The following NUP210L variants were observed in gnomAD, a reference collection of about 807,000 sequenced individuals.
NUP210L encodes the protein nuclear pore membrane glycoprotein 210-like.
A neutral mutation model predicts 208.5 loss-of-function variants in NUP210L; 74 were observed. That is an observed-to-expected ratio of 0.35 (90% confidence interval 0.29 to 0.43). The LOEUF (loss-of-function observed/expected upper bound fraction) is 0.43. Among genes scored for constraint, NUP210L ranks in the 20% least tolerant of loss-of-function variants. NUP210L has a pLI of 1.00. For synonymous variants in NUP210L, 780 were observed against 816.9 expected, an observed-to-expected ratio of 0.95 and a Z score of 0.77; for missense variants, 1,843 against 2,289.4, an observed-to-expected ratio of 0.81 and a Z score of 3.98.
chr1:154,126,067 C>T (rs879642631), intron 10 of NUP210L, among the ~76,000 whole-genome samples: 2 of 151,766 alleles, frequency 1.3e-5, no homozygotes, highest in African/African-American at 4.8e-5. Flanking sequence ...CGCGCCCGGC[C>T]AAGAAATGTT....
chr1:154,144,485 G>A (rs530067367), intron 2 of NUP210L, among the ~76,000 whole-genome samples: 2 of 152,212 alleles, frequency 1.3e-5, no homozygotes, highest in East Asian at 3.9e-4. Context: ...TCTAGCTAGA[G>A]TCCCAGTCCA....
chr1:154,113,883 G>A (rs970196323), intron 12 of NUP210L, among the ~76,000 whole-genome samples: 17 of 144,236 alleles, frequency 1.2e-4, no homozygotes, highest in African/African-American at 3.8e-4. Flanking sequence ...AAAAAAAGCC[G>A]GGTGTGGTGG....
chr1:154,038,777 G>T (rs1453436755), intron 27 of NUP210L, among the ~76,000 whole-genome samples: 2 of 152,048 alleles, frequency 1.3e-5, no homozygotes, highest in African/African-American at 2.4e-5. Context: ...AGGTTTTTTT[G>T]ATTTGAGGTT....
chr1:154,143,574 G>A (rs764391763), exon 3 of NUP210L: 15 of 1,611,790 alleles, frequency 9.3e-6, no homozygotes, highest in African/African-American at 2.7e-5. Context: ...CTCATGGTCA[G>A]TCACTACAAT....
chr1:154,027,583 G>C (rs1651966450), exon 29 of NUP210L: 11 of 1,612,604 alleles, frequency 6.8e-6, no homozygotes, highest in Non-Finnish European at 9.3e-6. Flanking sequence ...AGAAGAGTTG[G>C]AGTTTTTCAA....
At chr1:154,154,113 C>CT (rs1491248522) in intron 1 of NUP210L, among the ~76,000 whole-genome samples, 8 of 152,118 alleles carry the variant, frequency 5.3e-5, no homozygotes, top group Admixed American at 5.2e-4. Context: ...TGTGTACCCC[C>CT]TGTCCTCACA....
intron 16 of NUP210L, among the ~76,000 whole-genome samples, chr1:154,087,997 G>A (rs1655712977): frequency 6.6e-6 from 1 of 152,168 alleles, no homozygotes; most frequent in Non-Finnish European, 1.5e-5. Context: ...AAAATGACCT[G>A]AAGTTAGATA....
At chr1:154,111,651 C>T (rs919740063) in intron 12 of NUP210L, among the ~76,000 whole-genome samples, 2 of 151,430 alleles carry the variant, frequency 1.3e-5, no homozygotes, top group South Asian at 4.1e-4. Context: ...ATAAAAGTCT[C>T]CCAGCAAAAC....
chr1:154,107,965 A>G (rs1656852865), intron 12 of NUP210L, among the ~76,000 whole-genome samples: 1 of 152,150 alleles, frequency 6.6e-6, no homozygotes, highest in Admixed American at 6.6e-5. Context: ...TGGCAAATCT[A>G]AGAGCTACTG....
At chr1:154,059,347 A>T in intron 20 of NUP210L, among the ~76,000 whole-genome samples, 1 of 151,970 alleles carries the variant, frequency 6.6e-6, no homozygotes, top group Non-Finnish European at 1.5e-5. Context: ...AAAAAAAAAA[A>T]AATTAGCTGG....
exon 30 of NUP210L, chr1:154,025,598 C>G: frequency 6.2e-7 from 1 of 1,613,874 alleles, no homozygotes. Flanking sequence ...GAAGTGACTT[C>G]CAATACAGCA....
exon 19 of NUP210L, chr1:154,060,951 A>T (rs759344420): frequency 8.7e-6 from 14 of 1,603,850 alleles, no homozygotes; most frequent in Non-Finnish European, 1.1e-5. Flanking sequence ...CCTTTACATC[A>T]GGGTGGTTAT....
intron 16 of NUP210L, among the ~76,000 whole-genome samples, chr1:154,082,745 G>A (rs1655407477): frequency 6.6e-6 from 1 of 152,182 alleles, no homozygotes; most frequent in South Asian, 2.1e-4. Flanking sequence ...TGCGTCCAGA[G>A]TTTCTTCCTT....
At chr1:154,023,989 C>T (rs1651709484) in intron 30 of NUP210L, among the ~76,000 whole-genome samples, 1 of 151,820 alleles carries the variant, frequency 6.6e-6, no homozygotes, top group Non-Finnish European at 1.5e-5. Context: ...GGGGGTTTCA[C>T]CATCTTGGCC....
chr1:154,096,663 G>T (rs979625531), intron 14 of NUP210L, among the ~76,000 whole-genome samples: 1 of 152,044 alleles, frequency 6.6e-6, no homozygotes, highest in Non-Finnish European at 1.5e-5. Context: ...GGGAGGCTGA[G>T]GCAGGAGAAT....
At chr1:154,094,137 G>GC (rs774023139) in intron 15 of NUP210L, among the ~76,000 whole-genome samples, 2 of 152,146 alleles carry the variant, frequency 1.3e-5, no homozygotes, top group African/African-American at 2.4e-5. Context: ...CAAAAAATTA[G>GC]CCAGGCGTGG....
At chr1:154,001,339 A>G (rs1006843513) in intron 36 of NUP210L, among the ~76,000 whole-genome samples, 3 of 152,132 alleles carry the variant, frequency 2.0e-5, no homozygotes, top group African/African-American at 7.2e-5. Flanking sequence ...CTGGGACTAC[A>G]GGTGTCCGCC....
intron 7 of NUP210L, among the ~76,000 whole-genome samples, chr1:154,129,699 G>C (rs562018193): frequency 2.6e-5 from 4 of 152,336 alleles, no homozygotes; most frequent in African/African-American, 9.6e-5. Context: ...GCTCCATTCT[G>C]GAGGAAGAGA....
At chr1:154,046,473 A>G in intron 25 of NUP210L, 104 bp from the exon 26 acceptor site, 1 of 964,730 alleles carries the variant, frequency 1.0e-6, no homozygotes, top group South Asian at 1.4e-5. Flanking sequence ...AACATTCAGT[A>G]AAAAACCTTG....
Sources: allele counts gnomAD v4.1 joint callset (sites outside exome capture counted in the v4.1 genomes callset), GRCh38; gene constraint gnomAD v4.1.1; transcripts MANE v1.5; gene names NCBI Gene and HGNC (gene_info 2026-07-23, HGNC 2026-07-21).